Variants in ZWILCH observed in about 807,000 individuals in gnomAD.
The protein encoded by ZWILCH is zwilch kinetochore protein, also known as protein zwilch homolog.
In ZWILCH, 74 loss-of-function variants were observed where a neutral mutation model predicts 79.9. The ratio of observed to expected loss-of-function variants is 0.93; its 90% CI spans 0.77 to 1.12. ZWILCH has a LOEUF of 1.12. Among genes scored for constraint, ZWILCH ranks in the 50% most tolerant of loss-of-function variants. The probability of loss-of-function intolerance (pLI) is 0.00; values close to 1 mark genes in which losing one functional copy is unlikely to be tolerated. For missense variants in ZWILCH, 694 were observed against 687.5 expected (o/e 1.01, Z -0.11); for synonymous variants, 241 against 228.2 (o/e 1.06, Z -0.51).
intron 9 of ZWILCH, 89 bp from the exon 10 acceptor site, chr15:66,527,768 C>A: frequency 2.7e-6 from 3 of 1,111,512 alleles, no homozygotes; most frequent in South Asian, 1.4e-5. Flanking sequence ...CTTCTACTGT[C>A]CCCATTTACC....
chr15:66,526,551 C>T (rs371665683), intron 8 of ZWILCH, among the ~76,000 whole-genome samples: 96 of 152,182 alleles, frequency 6.3e-4, no homozygotes, highest in South Asian at 2.7e-3. Context: ...GCTCCACCTC[C>T]TGGGTTCACG....
chr15:66,505,672 C>T (rs1318902201), intron 1 of ZWILCH: 1 of 466,340 alleles, frequency 2.1e-6, no homozygotes, highest in Non-Finnish European at 3.8e-6. Flanking sequence ...GACACACTTG[C>T]CATAAGTAGA....
intron 14 of ZWILCH, 146 bp downstream of exon 14, chr15:66,533,159 G>C (rs986360443): frequency 4.4e-6 from 2 of 459,280 alleles, no homozygotes; most frequent in Non-Finnish European, 7.6e-6. Context: ...AGTTATTACT[G>C]CCTAGTAAGA....
At chr15:66,544,724 T>TTTTTTGTGTGTG (rs145952622) in intron 17 of ZWILCH, among the ~76,000 whole-genome samples, 2,077 of 128,504 alleles carry the variant, frequency 0.016, 28 homozygotes, top group South Asian at 0.057. Context: ...TTTTTGGTTT[T>TTTTTTGTGTGTG]TGTGTGTGTG....
intron 7 of ZWILCH, among the ~76,000 whole-genome samples, chr15:66,522,354 G>A (rs1246625765): frequency 6.7e-6 from 1 of 149,442 alleles, no homozygotes; most frequent in African/African-American, 2.5e-5. Context: ...TTTTTTCTGG[G>A]GCGGAGCCTC....
At chr15:66,518,795 A>G (rs1049201685) in intron 4 of ZWILCH, 84 bp from the exon 5 acceptor site, 75 of 1,288,920 alleles carry the variant, frequency 5.8e-5, no homozygotes, top group Non-Finnish European at 7.6e-5. Context: ...TGGGCAACAG[A>G]GTGAGACCCT....
Position 66,548,511 on chromosome 15 carries a change from G to A in ZWILCH, c.*187G>A, listed in dbSNP as rs1261868152. ...TGTCTCAGCTCTGCCTCCTCAGGAGGAGCATTAGTAGAACAGCAGTGATGA... is the reference window on the plus strand; with the variant it reads ...TGTCTCAGCTCTGCCTCCTCAGGAGAAGCATTAGTAGAACAGCAGTGATGA... On this transcript the variant is annotated 3_prime_UTR_variant, in exon 19 of 19. Coordinates refer to ENST00000307897, the MANE Select transcript of ZWILCH (RefSeq NM_017975.5). 4 of 1,606,404 alleles carry A rather than the reference G, an allele frequency of 2.5e-6. No homozygotes were observed. Among genetic ancestry groups the A allele is most frequent in the East Asian group, 2.2e-5 (1 of 44,846 alleles).
chr15:66,536,854 T>C (rs1230268504), intron 15 of ZWILCH, among the ~76,000 whole-genome samples: 3 of 152,170 alleles, frequency 2.0e-5, no homozygotes, highest in Non-Finnish European at 4.4e-5. Flanking sequence ...TTTGTATTGT[T>C]TCTCTCTTTC....
At chr15:66,527,966 G>A in intron 10 of ZWILCH, 54 bp downstream of exon 10, 1 of 1,458,708 alleles carries the variant, frequency 6.9e-7, no homozygotes, top group South Asian at 1.3e-5. Flanking sequence ...TTAAAATTCG[G>A]TTATGCTGAC....
At chr15:66,541,788 T>A (rs11854002) in intron 17 of ZWILCH, among the ~76,000 whole-genome samples, 10,537 of 152,302 alleles carry the variant, frequency 0.069, 427 homozygotes, top group Middle Eastern at 0.11. Context: ...AAAACAAATC[T>A]GATAGTTTTC....
chr15:66,514,310 CT>C (rs35120770), intron 3 of ZWILCH: 10,781 of 200,680 alleles, frequency 0.054, 33 homozygotes, highest in South Asian at 0.11. Context: ...TCACTTATTT[CT>C]TTTTTTTTTT....
intron 8 of ZWILCH, 97 bp downstream of exon 8, chr15:66,523,845 C>G (rs6494579): frequency 0.86 from 793,444 of 920,772 alleles, 342,593 homozygotes; most frequent in African/African-American, 0.93. Flanking sequence ...CTCAAAACTT[C>G]TTCAGATGTT....
intron 3 of ZWILCH, among the ~76,000 whole-genome samples, chr15:66,515,199 T>A (rs570461432): frequency 9.9e-5 from 15 of 152,194 alleles, no homozygotes; most frequent in Middle Eastern, 3.4e-3. Context: ...ATTCTCCTCC[T>A]CAGTCTCCCA....
chr15:66,516,363 A>G (rs1035895443), intron 4 of ZWILCH, among the ~76,000 whole-genome samples: 7 of 152,134 alleles, frequency 4.6e-5, no homozygotes, highest in African/African-American at 1.4e-4. Context: ...TCCAAAACCA[A>G]AAAGTCCTTG....
At chr15:66,521,294 C>T in intron 7 of ZWILCH, 89 bp downstream of exon 7, 1 of 1,462,200 alleles carries the variant, frequency 6.8e-7, no homozygotes, top group Non-Finnish European at 9.3e-7. Flanking sequence ...TGCCTCTAGC[C>T]TTGGCACTTG....
intron 4 of ZWILCH, among the ~76,000 whole-genome samples, chr15:66,518,352 G>A (rs1385010695): frequency 6.9e-5 from 10 of 145,734 alleles, no homozygotes; most frequent in African/African-American, 1.8e-4. Context: ...GCAGTGGTGC[G>A]ATCTGGGCTC....
At chr15:66,508,103 AATATAG>A (rs1394942632) in intron 1 of ZWILCH, among the ~76,000 whole-genome samples, 6 of 152,254 alleles carry the variant, frequency 3.9e-5, no homozygotes. Context: ...TATTAGATCA[AATATAG>A]ATATAAATGG....
At chr15:66,509,272 TAA>T (rs1893940082) in intron 2 of ZWILCH, among the ~76,000 whole-genome samples, 1 of 152,200 alleles carries the variant, frequency 6.6e-6, no homozygotes, top group Non-Finnish European at 1.5e-5. Flanking sequence ...TCACCACCTA[TAA>T]TCAAGATATA....
intron 14 of ZWILCH, among the ~76,000 whole-genome samples, chr15:66,535,244 C>G (rs1438286670): frequency 6.6e-6 from 1 of 152,040 alleles, no homozygotes; most frequent in African/African-American, 2.4e-5. Flanking sequence ...TCCTGAAGGT[C>G]CTGCCTGAGG....
Sources: gnomAD v4.1 joint callset for allele counts (sites outside exome capture counted in the v4.1 genomes callset) on GRCh38, gnomAD v4.1.1 for gene constraint, MANE v1.5 for transcripts, NCBI Gene and HGNC (gene_info 2026-07-23, HGNC 2026-07-21) for gene names.